The following CAST variants were observed in gnomAD, a reference collection of about 807,000 sequenced individuals.
The protein encoded by CAST is MIR583 host.
A neutral mutation model predicts 119.6 loss-of-function variants in CAST; 76 were observed. The observed-to-expected ratio is 0.64, with a 90% CI of 0.53 to 0.77. The LOEUF (loss-of-function observed/expected upper bound fraction) is 0.77. Ranked by LOEUF, CAST falls within the 30% of genes least tolerant of loss-of-function variation. The pLI is 0.00. For synonymous variants in CAST, 319 were observed against 331.6 expected (o/e 0.96, Z 0.41); for missense variants, 953 against 946.5 (o/e 1.01, Z -0.09).
In CAST at chr5:96,747,386, A is replaced by G. The variant is rs1220026239; in HGVS notation, c.1326A>G (p.Lys442=). ...GKPLLPEPEE[K]PKPRSESELI... Reference sequence around the variant, plus strand: ...CACTATTGCCAGAGCCTGAAGAAAAACCCAAGGTTAGGAAATACATTTTTT... The same window carrying G: ...CACTATTGCCAGAGCCTGAAGAAAAGCCCAAGGTTAGGAAATACATTTTTT... The change falls in exon 18 of 32, where the codon AAA becomes AAG. Residue 442 remains lysine (K), a synonymous_variant. Coordinates refer to ENST00000675179, the MANE Select transcript of CAST (RefSeq NM_001750.7). 1 of 1,579,848 alleles carries G rather than the reference A, an allele frequency of 6.3e-7. No homozygotes were observed. The highest frequency in any genetic ancestry group is 1.7e-5 in the Admixed American group (1 of 59,784).
chr5:96,068,963 A>G, the CAST span, among the ~76,000 whole-genome samples: 1 of 150,962 alleles, frequency 6.6e-6, no homozygotes, highest in African/African-American at 2.4e-5. Flanking sequence ...GACAGGATGT[A>G]TGCGTGTATG....
At chr5:96,399,971 T>A in the CAST span, 1 of 1,613,504 alleles carries the variant, frequency 6.2e-7, no homozygotes, top group Non-Finnish European at 8.5e-7. Context: ...AAAGTCATTG[T>A]CCTTTACAAC....
the CAST span, among the ~76,000 whole-genome samples, chr5:96,450,732 C>T: frequency 1.3e-5 from 2 of 152,150 alleles, no homozygotes; most frequent in African/African-American, 4.8e-5. Flanking sequence ...AAGTTCATGA[C>T]TATCTTCTGT....
At chr5:96,068,196 G>C in the CAST span, among the ~76,000 whole-genome samples, 1 of 152,084 alleles carries the variant, frequency 6.6e-6, no homozygotes, top group Non-Finnish European at 1.5e-5. Context: ...CATTTCCTGG[G>C]CCCTGACTCA....
At chr5:96,432,231 A>T in the CAST span, 1 of 1,002,090 alleles carries the variant, frequency 1.0e-6, no homozygotes, top group Non-Finnish European at 1.5e-6. Context: ...AGTCGCGGGG[A>T]TAGATGGTCC....
the CAST span, among the ~76,000 whole-genome samples, chr5:96,136,505 C>A: frequency 6.6e-6 from 1 of 152,184 alleles, no homozygotes; most frequent in Admixed American, 6.5e-5. Context: ...TATTAGAAAA[C>A]AAACAAGCTA....
At chr5:96,543,479 A>G (rs1485385044) in intron 1 of CAST, among the ~76,000 whole-genome samples, 1 of 152,214 alleles carries the variant, frequency 6.6e-6, no homozygotes, top group Non-Finnish European at 1.5e-5. Flanking sequence ...GCAAACCACC[A>G]TGGCACATGT....
the CAST span, among the ~76,000 whole-genome samples, chr5:96,219,808 AAAAAG>A: frequency 2.6e-5 from 4 of 152,114 alleles, no homozygotes; most frequent in African/African-American, 9.7e-5. Flanking sequence ...AAAGAAAAGA[AAAAAG>A]AAAAGGAAAA....
chr5:96,071,693 T>C, the CAST span, among the ~76,000 whole-genome samples: 12 of 152,342 alleles, frequency 7.9e-5, no homozygotes, highest in African/African-American at 2.4e-4. Flanking sequence ...CCCCGGATTA[T>C]GGTCCTTCCT....
the CAST span, among the ~76,000 whole-genome samples, chr5:96,355,137 C>T: frequency 1.3e-5 from 2 of 151,944 alleles, no homozygotes; most frequent in Non-Finnish European, 2.9e-5. Context: ...AGGTTTTAAG[C>T]CCCGCATGCA....
chr5:96,334,016 C>G, the CAST span, among the ~76,000 whole-genome samples: 1 of 152,256 alleles, frequency 6.6e-6, no homozygotes, highest in East Asian at 1.9e-4. Flanking sequence ...ACTTCAACAC[C>G]CATTTCATAT....
chr5:96,229,476 G>A, the CAST span, among the ~76,000 whole-genome samples: 2 of 152,064 alleles, frequency 1.3e-5, no homozygotes, highest in Non-Finnish European at 2.9e-5. Context: ...GCACCATAAA[G>A]AAAATGAAGC....
chr5:96,283,208 G>C, the CAST span, among the ~76,000 whole-genome samples: 290 of 152,084 alleles, frequency 1.9e-3, 1 homozygote, highest in African/African-American at 6.8e-3. Flanking sequence ...AGGGGGTAGG[G>C]ACTGGGCTCC....
chr5:96,664,514 A>T (rs1749065537), intron 1 of CAST, among the ~76,000 whole-genome samples: 1 of 152,012 alleles, frequency 6.6e-6, no homozygotes, highest in South Asian at 2.1e-4. Context: ...CTCCCACCTC[A>T]GCCTCCCAAA....
chr5:96,722,795 C>A, intron 4 of CAST, 97 bp downstream of exon 4: 1 of 866,416 alleles, frequency 1.2e-6, no homozygotes. Context: ...GTTATATATG[C>A]TAGGAAGTTT....
At chr5:96,178,481 A>T in the CAST span, among the ~76,000 whole-genome samples, 1 of 152,280 alleles carries the variant, frequency 6.6e-6, no homozygotes, top group South Asian at 2.1e-4. Context: ...TCCTGAAACA[A>T]TGGTGCCTTT....
rs1773328245 is a variant in CAST, at chr5:96,773,893, C to T, written c.*1277C>T. The T allele has an allele frequency of 6.6e-6, 1 of 152,290 alleles. No individual in the cohort carries two copies. Among genetic ancestry groups the T allele is most frequent in the South Asian group, 2.1e-4 (1 of 4,832 alleles). 9.4% of individuals were successfully genotyped at this position (152,290 alleles called of 1,614,324 possible). A position where few individuals can be genotyped will look rare whatever the true frequency, so the allele number is the denominator to read the frequency against. Reference sequence around the variant, plus strand: ...GAAGCTTTTGTTATGACTTAGCTGACTTGTGGCAGCGGGGCAAGCAAAAAC... The same window carrying T: ...GAAGCTTTTGTTATGACTTAGCTGATTTGTGGCAGCGGGGCAAGCAAAAAC... On this transcript the variant is annotated 3_prime_UTR_variant, in exon 32 of 32. Coordinates refer to ENST00000675179, the MANE Select transcript of CAST (RefSeq NM_001750.7).
the CAST span, among the ~76,000 whole-genome samples, chr5:96,449,103 T>C: frequency 6.6e-6 from 1 of 152,186 alleles, no homozygotes; most frequent in African/African-American, 2.4e-5. Context: ...TTTTCCTTTT[T>C]CTTGATTGTT....
intron 1 of CAST, among the ~76,000 whole-genome samples, chr5:96,594,618 T>C (rs936479055): frequency 1.3e-5 from 2 of 152,360 alleles, no homozygotes; most frequent in African/African-American, 2.4e-5. Flanking sequence ...CAAGTCAAGA[T>C]AACCTACAGA....
Sources: gnomAD v4.1 joint callset for allele counts (sites outside exome capture counted in the v4.1 genomes callset) on GRCh38, gnomAD v4.1.1 for gene constraint, MANE v1.5 for transcripts, NCBI Gene and HGNC (gene_info 2026-07-23, HGNC 2026-07-21) for gene names.